The following ATXN7 variants were observed in gnomAD, a reference collection of about 807,000 sequenced individuals.
ATXN7 encodes the protein ataxin 7, also known as ataxin-7.
Under a neutral mutation model 70.5 loss-of-function variants are expected in ATXN7, and 12 were observed. That is an observed-to-expected ratio of 0.17 (90% confidence interval 0.11 to 0.28). The LOEUF (loss-of-function observed/expected upper bound fraction) is 0.28, where lower values mean the gene tolerates loss of function less well. Ranked by LOEUF, ATXN7 falls within the 10% of genes least tolerant of loss-of-function variation. The probability of loss-of-function intolerance (pLI) is 1.00; values close to 1 mark genes in which losing one functional copy is unlikely to be tolerated. For missense variants in ATXN7, 1,256 were observed against 1,131.7 expected (o/e 1.11, Z -1.58); for synonymous variants, 498 against 448.7 (o/e 1.11, Z -1.39).
intron 4 of ATXN7, among the ~76,000 whole-genome samples, chr3:63,934,788 G>C (rs1374119540): frequency 6.6e-6 from 1 of 152,172 alleles, no homozygotes; most frequent in Non-Finnish European, 1.5e-5. Context: ...GGGCTCTTAC[G>C]AGAATGCTTT....
At chr3:63,929,634 T>A (rs1459324281) in intron 4 of ATXN7, among the ~76,000 whole-genome samples, 1 of 152,158 alleles carries the variant, frequency 6.6e-6, no homozygotes, top group Non-Finnish European at 1.5e-5. Context: ...AGGCTCTGGT[T>A]GATATTAAGT....
At position 63,998,207 on chromosome 3, in the gene ATXN7, G is replaced by GGT. The variant is rs200163479; in HGVS notation, c.2662-1242_2662-1241insTG. 1.7e-4 allele frequency: 158 copies of GGT among 946,922 alleles called. 1 individual carries two copies. The East Asian group carries it at 0.013, about 76-fold the overall frequency. The allele number at this position is 946,922 out of a possible 1,614,324, so 58.7% of individuals were successfully genotyped here. On this transcript the variant is annotated intron_variant, in intron 12 of 12. Coordinates refer to ENST00000674280, the MANE Select transcript of ATXN7 (RefSeq NM_001377405.1). ...AGTAACAAAAAGGACAGAAGGGGGG[G>GGT]GGGCCAGGTGGGGCACAGCAGAGAT... is the stretch of plus-strand genomic sequence containing the variant.
intron 5 of ATXN7, among the ~76,000 whole-genome samples, chr3:63,956,183 T>G (rs1048753474): frequency 6.6e-6 from 1 of 152,164 alleles, no homozygotes; most frequent in Admixed American, 6.5e-5. Context: ...GTTGTTTTAA[T>G]GTTTTAAAAT....
intron 4 of ATXN7, among the ~76,000 whole-genome samples, chr3:63,930,907 C>G (rs1043477820): frequency 6.6e-6 from 1 of 152,152 alleles, no homozygotes; most frequent in African/African-American, 2.4e-5. Context: ...GGACACTAGA[C>G]AGGTGGCTAC....
At chr3:63,966,781 A>G (rs2075231034) in intron 5 of ATXN7, among the ~76,000 whole-genome samples, 1 of 152,192 alleles carries the variant, frequency 6.6e-6, no homozygotes, top group South Asian at 2.1e-4. Context: ...CACATATGTA[A>G]TTCATGACTT....
chr3:63,980,266 G>A (rs1033578254), intron 6 of ATXN7, 99 bp downstream of exon 6: 3 of 1,443,640 alleles, frequency 2.1e-6, no homozygotes, highest in South Asian at 2.6e-5. Context: ...ATAAAAGAGA[G>A]TCTACTTGGG....
At chr3:63,918,386 A>G (rs1007517865) in intron 4 of ATXN7, among the ~76,000 whole-genome samples, 12 of 152,160 alleles carry the variant, frequency 7.9e-5, no homozygotes, top group African/African-American at 2.4e-4. Flanking sequence ...CTTAAATAGC[A>G]TTTCTGTTTT....
intron 4 of ATXN7, among the ~76,000 whole-genome samples, chr3:63,932,029 A>G (rs956783091): frequency 6.6e-6 from 1 of 152,160 alleles, no homozygotes; most frequent in Non-Finnish European, 1.5e-5. Context: ...GGGAGAGAAA[A>G]TATACCTTCC....
chr3:63,969,988 A>C (rs529943157), intron 5 of ATXN7, among the ~76,000 whole-genome samples: 1 of 152,310 alleles, frequency 6.6e-6, no homozygotes, highest in South Asian at 2.1e-4. Context: ...TCAGATAGTG[A>C]GGTCAAATAA....
intron 12 of ATXN7, 134 bp downstream of exon 12, chr3:63,996,617 TAAAAAA>T (rs752406394): frequency 8.5e-4 from 173 of 202,630 alleles, no homozygotes; most frequent in African/African-American, 1.3e-3. Flanking sequence ...GGTGTCTTCT[TAAAAAA>T]AAAAAAAAAA....
intron 4 of ATXN7, among the ~76,000 whole-genome samples, chr3:63,944,621 A>G (rs1575931642): frequency 6.6e-6 from 1 of 152,330 alleles, no homozygotes; most frequent in Admixed American, 6.5e-5. Context: ...TTTTCAGACC[A>G]CAGGTAACTC....
chr3:63,871,970 G>A (rs1042788392), intron 1 of ATXN7, among the ~76,000 whole-genome samples: 2 of 151,308 alleles, frequency 1.3e-5, no homozygotes, highest in African/African-American at 4.9e-5. Context: ...ATTTGCACCT[G>A]CATCTTTGTG....
chr3:63,885,830 A>T (rs1216112525), intron 1 of ATXN7, among the ~76,000 whole-genome samples: 1 of 152,172 alleles, frequency 6.6e-6, no homozygotes, highest in Non-Finnish European at 1.5e-5. Flanking sequence ...AGCCGGGCCA[A>T]CATGGTGCAA....
intron 1 of ATXN7, among the ~76,000 whole-genome samples, chr3:63,868,715 G>A (rs1559614770): frequency 6.6e-6 from 1 of 152,160 alleles, no homozygotes; most frequent in South Asian, 2.1e-4. Context: ...ATTTCTCTCT[G>A]TGGGCAAGAT....
At chr3:63,916,456 G>A (rs1704271455) in intron 4 of ATXN7, among the ~76,000 whole-genome samples, 1 of 152,200 alleles carries the variant, frequency 6.6e-6, no homozygotes. Context: ...AAACTGCTAA[G>A]CTAACCTCTC....
rs970673080 is a variant in ATXN7, at chr3:63,892,610, G to T, written c.-110-5789G>T. On this transcript the variant is annotated intron_variant, in intron 1 of 12. Coordinates refer to ENST00000674280, the MANE Select transcript of ATXN7 (RefSeq NM_001377405.1). ...TGATGTCTATAGGTGAGTTTGCCTG[G>T]TGAGAGTGAAGGTAAATGCCAGAGC... Among the ~76,000 whole-genome samples, 3 of 152,094 alleles carry T rather than the reference G, an allele frequency of 2.0e-5. No individual in the cohort carries two copies. The East Asian group carries it at 5.8e-4, about 29-fold the overall frequency.
At chr3:63,992,558 T>C (rs890702064) in intron 11 of ATXN7, among the ~76,000 whole-genome samples, 3 of 152,218 alleles carry the variant, frequency 2.0e-5, no homozygotes, top group Non-Finnish European at 4.4e-5. Flanking sequence ...TATGTTGGTA[T>C]GTGGCTCATG....
At chr3:63,924,418 G>A (rs867841860) in intron 4 of ATXN7, among the ~76,000 whole-genome samples, 4 of 152,142 alleles carry the variant, frequency 2.6e-5, no homozygotes, top group East Asian at 1.9e-4. Flanking sequence ...ATGGAAAGTC[G>A]TGGGACCTAG....
At position 63,884,153 on chromosome 3, in the gene ATXN7, A is replaced by AT. The variant is rs1458439244; in HGVS notation, c.-110-14245dup. Among the ~76,000 whole-genome samples, 7 of 151,940 alleles carry AT rather than the reference A, an allele frequency of 4.6e-5. No individual in the cohort carries two copies. In the South Asian group the frequency reaches 1.0e-3, roughly 23 times the overall value. Reference sequence around the variant, plus strand: ...CTGTGCCTGAGACAGGGAATAAACAATATGAGCCTGTAGTATCTTCTAGCT... The same window carrying AT: ...CTGTGCCTGAGACAGGGAATAAACAATTATGAGCCTGTAGTATCTTCTAGCT... On this transcript the variant is annotated intron_variant, in intron 1 of 12. Transcript: ENST00000674280.
Sources: gnomAD v4.1 joint callset for allele counts (sites outside exome capture counted in the v4.1 genomes callset) on GRCh38, gnomAD v4.1.1 for gene constraint, MANE v1.5 for transcripts, NCBI Gene and HGNC (gene_info 2026-07-23, HGNC 2026-07-21) for gene names.